The following ZNF641 variants were observed in gnomAD, a reference collection of about 807,000 sequenced individuals.
ZNF641 encodes zinc finger protein 641.
Under a neutral mutation model 46.2 loss-of-function variants are expected in ZNF641, and 26 were observed. The observed-to-expected ratio is 0.56, with a 90% CI of 0.41 to 0.78. ZNF641 has a LOEUF of 0.78. Ranked by LOEUF, ZNF641 falls within the 30% of genes least tolerant of loss-of-function variation. The pLI, the probability that ZNF641 is intolerant of heterozygous loss-of-function variation, is 0.00. For missense variants in ZNF641, 469 were observed against 517.8 expected (o/e 0.91, Z 0.91); for synonymous variants, 163 against 187.9 (o/e 0.87, Z 1.09).
rs1952740314 is a variant in ZNF641, at chr12:48,342,395, T to A, written c.*578A>T. On this transcript the variant is annotated 3_prime_UTR_variant, in exon 6 of 6. Coordinates refer to ENST00000547026, the MANE Select transcript of ZNF641 (RefSeq NM_001172681.2). The stretch of plus-strand genomic sequence containing the variant: ...GGGCTCTGGATGCCTGATCACTATC[T>A]CTTGTTTCCTTGTTACTCTCTAACC... The A allele has an allele frequency of 9.1e-6, 9 of 985,818 alleles. No individual in the cohort carries two copies. The highest frequency in any genetic ancestry group is 1.1e-5 in the Non-Finnish European group (9 of 830,336). 61.1% of individuals were successfully genotyped at this position (985,818 alleles called of 1,614,324 possible). A position where few individuals can be genotyped will look rare whatever the true frequency, so the allele number is the denominator to read the frequency against.
At chr12:48,350,364 G>A (rs1003838523) in intron 1 of ZNF641, 5 of 593,832 alleles carry the variant, frequency 8.4e-6, no homozygotes, top group Non-Finnish European at 1.3e-5. Context: ...TGGGCGGGAC[G>A]GGAGCCTGCT....
In ZNF641 at chr12:48,341,367, T is replaced by G. The variant is rs1293481403; in HGVS notation, c.*1606A>C. ...CAAGATAATTTTTAAATTATAAGAT[T>G]GGTATTAACACAATTATTGATAAAG... On this transcript the variant is annotated 3_prime_UTR_variant, in exon 6 of 6. Coordinates refer to ENST00000547026, the MANE Select transcript of ZNF641 (RefSeq NM_001172681.2). 1 of 985,248 alleles carries G rather than the reference T, an allele frequency of 1.0e-6. No homozygotes were observed. Among genetic ancestry groups the G allele is most frequent in the East Asian group, 1.1e-4 (1 of 8,834 alleles). The allele number at this position is 985,248 out of a possible 1,614,324, so 61.0% of individuals were successfully genotyped here. A position where few individuals can be genotyped will look rare whatever the true frequency, so the allele number is the denominator to read the frequency against.
At chr12:48,345,286 C>T in intron 4 of ZNF641, 59 bp downstream of exon 4, 1 of 1,594,646 alleles carries the variant, frequency 6.3e-7, no homozygotes. Context: ...AGCCCTGAAG[C>T]AGATGGCTCC....
intron 1 of ZNF641, 62 bp downstream of exon 1, chr12:48,350,724 G>T: frequency 1.4e-6 from 1 of 702,570 alleles, no homozygotes; most frequent in Non-Finnish European, 1.8e-6. Context: ...CCCACCAGCC[G>T]CCCCGGGAAG....
In ZNF641 at chr12:48,341,175, C is replaced by A; in HGVS notation, c.*1798G>T. The A allele has an allele frequency of 1.0e-6, 1 of 985,440 alleles. No individual in the cohort carries two copies. The highest frequency in any genetic ancestry group is 1.2e-6 in the Non-Finnish European group (1 of 829,946). The allele number at this position is 985,440 out of a possible 1,614,324, so 61.0% of individuals were successfully genotyped here. ...CACCCAGTTTTTCCTGCAAAAGGCA[C>A]AGTCGCTAAACTAAATTGGTGCAAT... On this transcript the variant is annotated 3_prime_UTR_variant, in exon 6 of 6. Coordinates refer to ENST00000547026, the MANE Select transcript of ZNF641 (RefSeq NM_001172681.2).
At chr12:48,336,495 T>C (rs1952605705), downstream of ZNF641, among the ~76,000 whole-genome samples, 1 of 152,146 alleles carries the variant, frequency 6.6e-6, no homozygotes, top group African/African-American at 2.4e-5. Context: ...GCTTGAGGCT[T>C]TTTAAGGCAA....
At chr12:48,348,232 TG>T in intron 1 of ZNF641, 117 bp from the exon 2 acceptor site, 1 of 1,007,354 alleles carries the variant, frequency 9.9e-7, no homozygotes, top group East Asian at 2.5e-5. Context: ...AGGAGCTTGC[TG>T]GAAGATGAAC....
intron 1 of ZNF641, among the ~76,000 whole-genome samples, chr12:48,349,523 A>G (rs1952971295): frequency 6.6e-6 from 1 of 152,142 alleles, no homozygotes; most frequent in Non-Finnish European, 1.5e-5. Context: ...CAAGTCGTCT[A>G]TTTTCTTGCC....
chr12:48,336,588 T>G (rs35267282), downstream of ZNF641, among the ~76,000 whole-genome samples: 34,952 of 151,958 alleles, frequency 0.23, 4,299 homozygotes, highest in African/African-American at 0.29. Context: ...TGTCACTGAG[T>G]TAATGGACAG....
chr12:48,347,907 C>G lies in ZNF641; in HGVS notation c.184G>C (p.Ala62Pro). 1.2e-6 allele frequency: 2 copies of G among 1,614,010 alleles called. No homozygotes were observed. Among genetic ancestry groups the G allele is most frequent in the South Asian group, 1.1e-5 (1 of 91,072 alleles). The change falls in exon 2 of 6, where the codon GCT becomes CCT. Residue 62 changes from alanine (A) to proline (P), a missense_variant and splice_region_variant. Coordinates refer to ENST00000547026, the MANE Select transcript of ZNF641 (RefSeq NM_001172681.2). ...EEEPQSLQEK[A>P]QSAPWVPAIP... ...TCCCACACACTCTGTGAGTTCTCAC[C>G]CTTCTCCTGAAGGGACTGTGGCTCC...
At chr12:48,350,969 C>T (rs1284730320), upstream of ZNF641, 11 of 554,362 alleles carry the variant, frequency 2.0e-5, no homozygotes, top group Admixed American at 1.4e-4. Context: ...TTCCGGGGCT[C>T]TGCGGCGGCG....
At chr12:48,334,638 T>C (rs916745529), downstream of ZNF641, among the ~76,000 whole-genome samples, 1 of 152,138 alleles carries the variant, frequency 6.6e-6, no homozygotes, top group Non-Finnish European at 1.5e-5. Context: ...AGTGGAAGAA[T>C]GCCTCTGAAA....
chr12:48,334,675 T>C (rs951610070), downstream of ZNF641, among the ~76,000 whole-genome samples: 4 of 104,292 alleles, frequency 3.8e-5, no homozygotes, highest in Admixed American at 1.8e-4. Context: ...TCAAACATTG[T>C]CTATTGAACA....
Position 48,342,546 on chromosome 12 carries a change from T to C in ZNF641, c.*427A>G, listed in dbSNP as rs1421794804. 3.5e-6 allele frequency: 2 copies of C among 569,814 alleles called. No individual in the cohort carries two copies. Among genetic ancestry groups the C allele is most frequent in the Non-Finnish European group, 4.5e-6 (2 of 446,444 alleles). 35.3% of individuals were successfully genotyped at this position (569,814 alleles called of 1,614,324 possible). The stretch of plus-strand genomic sequence containing the variant: ...CTTCAGTTGGGTCTACTGCAGAAAT[T>C]TTCAGAGCCTTTAATATTCTAAAAT... On this transcript the variant is annotated 3_prime_UTR_variant, in exon 6 of 6. Coordinates refer to ENST00000547026, the MANE Select transcript of ZNF641 (RefSeq NM_001172681.2).
intron 2 of ZNF641, 124 bp from the exon 3 acceptor site, chr12:48,347,467 A>C: frequency 1.3e-6 from 1 of 776,518 alleles, no homozygotes; most frequent in Non-Finnish European, 2.0e-6. Context: ...GGTAAAACTC[A>C]AATGCATAAA....
At chr12:48,347,136 A>G in intron 3 of ZNF641, 116 bp downstream of exon 3, 1 of 1,563,678 alleles carries the variant, frequency 6.4e-7, no homozygotes, top group Non-Finnish European at 8.7e-7. Flanking sequence ...ATTCAGTTAT[A>G]AGATGAACAT....
In ZNF641 at chr12:48,340,278, T is replaced by C. The variant is rs1238101970; in HGVS notation, c.*2695A>G. 13 of 985,320 alleles carry C rather than the reference T, an allele frequency of 1.3e-5. No individual in the cohort carries two copies. The highest frequency in any genetic ancestry group is 1.4e-5 in the Non-Finnish European group (12 of 829,940). 61.0% of individuals were successfully genotyped at this position (985,320 alleles called of 1,614,324 possible). A position where few individuals can be genotyped will look rare whatever the true frequency, so the allele number is the denominator to read the frequency against. On this transcript the variant is annotated 3_prime_UTR_variant, in exon 6 of 6. Transcript: ENST00000547026. Reference sequence around the variant, plus strand: ...GATGCCTTTCAGCTGGGTGCTATACTTGCACCTAACTCTGGGGGCTTCACT... The same window carrying C: ...GATGCCTTTCAGCTGGGTGCTATACCTGCACCTAACTCTGGGGGCTTCACT...
chr12:48,346,187 A>G (rs1211024718), intron 3 of ZNF641, among the ~76,000 whole-genome samples: 1 of 152,072 alleles, frequency 6.6e-6, no homozygotes, highest in African/African-American at 2.4e-5. Flanking sequence ...TACAGGCATG[A>G]GCCACCGTGC....
chr12:48,345,257 T>C (rs1216633824), intron 4 of ZNF641, 88 bp downstream of exon 4: 4 of 1,508,850 alleles, frequency 2.7e-6, no homozygotes, highest in African/African-American at 1.4e-5. Context: ...TAAAGAGTCC[T>C]AGACAGACAC....
Sources: gnomAD v4.1 joint callset for allele counts (sites outside exome capture counted in the v4.1 genomes callset) on GRCh38, gnomAD v4.1.1 for gene constraint, MANE v1.5 for transcripts, NCBI Gene and HGNC (gene_info 2026-07-23, HGNC 2026-07-21) for gene names.